LINGO2: variants seen among roughly 807,000 people sequenced by gnomAD.
The protein encoded by LINGO2 is leucine-rich repeat and immunoglobulin-like domain-containing nogo receptor-interacting protein 2.
Under a neutral mutation model 30.6 loss-of-function variants are expected in LINGO2, and 14 were observed. The observed-to-expected ratio is 0.46, with a 90% CI of 0.30 to 0.72. The LOEUF is 0.72. Among genes scored for constraint, LINGO2 ranks in the 30% least tolerant of loss-of-function variants. The pLI is 0.07. For synonymous variants in LINGO2, 317 were observed against 288.5 expected (o/e 1.10, Z -1.00); for missense variants, 729 against 751.7 (o/e 0.97, Z 0.35).
At chr9:28,720,202 G>A in the LINGO2 span, among the ~76,000 whole-genome samples, 1 of 151,962 alleles carries the variant, frequency 6.6e-6, no homozygotes, top group South Asian at 2.1e-4. Context: ...ATGTATCCAA[G>A]CACTTCATTT....
chr9:28,791,118 C>T, the LINGO2 span, among the ~76,000 whole-genome samples: 9 of 152,198 alleles, frequency 5.9e-5, no homozygotes, highest in Non-Finnish European at 1.2e-4. Context: ...ATATCCCCTT[C>T]CTTTCTCACC....
At chr9:28,140,414 C>T (rs1377906967) in intron 4 of LINGO2, among the ~76,000 whole-genome samples, 3 of 152,204 alleles carry the variant, frequency 2.0e-5, no homozygotes, top group Non-Finnish European at 1.5e-5. Flanking sequence ...CATCAGACTT[C>T]CTATGACCCA....
chr9:28,202,200 T>C (rs541754290), intron 4 of LINGO2, among the ~76,000 whole-genome samples: 1 of 152,278 alleles, frequency 6.6e-6, no homozygotes, highest in East Asian at 1.9e-4. Flanking sequence ...ACATTTTAAA[T>C]CAGCCTATTT....
At chr9:28,127,479 C>T (rs746957559) in intron 4 of LINGO2, among the ~76,000 whole-genome samples, 1 of 152,158 alleles carries the variant, frequency 6.6e-6, no homozygotes. Context: ...CTACATACTA[C>T]CCTAAAGAAC....
intron 4 of LINGO2, among the ~76,000 whole-genome samples, chr9:28,046,069 G>A (rs371604409): frequency 2.6e-5 from 4 of 152,052 alleles, no homozygotes; most frequent in Non-Finnish European, 5.9e-5. Context: ...GCATCCATCC[G>A]TTTTTGGGAT....
the LINGO2 span, among the ~76,000 whole-genome samples, chr9:29,180,095 T>G: frequency 6.6e-6 from 1 of 152,306 alleles, no homozygotes; most frequent in East Asian, 1.9e-4. Flanking sequence ...GGATGGCATA[T>G]AGTGGGGACC....
chr9:28,932,639 A>T, the LINGO2 span, among the ~76,000 whole-genome samples: 1 of 151,992 alleles, frequency 6.6e-6, no homozygotes, highest in East Asian at 1.9e-4. Flanking sequence ...CCTAAAAGGT[A>T]ACTTTTCTCT....
At chr9:28,215,681 G>T (rs1407068669) in intron 4 of LINGO2, among the ~76,000 whole-genome samples, 1 of 151,652 alleles carries the variant, frequency 6.6e-6, no homozygotes, top group African/African-American at 2.4e-5. Flanking sequence ...TGAATCGATG[G>T]AAGTGTCTAA....
the LINGO2 span, among the ~76,000 whole-genome samples, chr9:28,933,938 T>A: frequency 2.0e-5 from 3 of 152,206 alleles, no homozygotes; most frequent in African/African-American, 7.2e-5. Context: ...ATTGCAATGA[T>A]CTATTCCTAA....
chr9:28,549,746 T>G (rs1393690402), intron 1 of LINGO2, among the ~76,000 whole-genome samples: 1 of 151,902 alleles, frequency 6.6e-6, no homozygotes, highest in South Asian at 2.1e-4. Flanking sequence ...CTTTTTCTAT[T>G]AAAGTATTAA....
chr9:28,841,542 A>C, the LINGO2 span, among the ~76,000 whole-genome samples: 2 of 151,844 alleles, frequency 1.3e-5, no homozygotes, highest in African/African-American at 4.9e-5. Context: ...GGGAGTTTAC[A>C]TTCTAGTTTG....
intron 2 of LINGO2, among the ~76,000 whole-genome samples, chr9:28,396,308 G>A (rs12377420): frequency 0.37 from 56,877 of 151,960 alleles, 11,157 homozygotes; most frequent in Non-Finnish European, 0.41. Context: ...AGAGATATAT[G>A]GGACTATTTT....
chr9:28,564,460 T>C (rs1823262241), intron 1 of LINGO2, among the ~76,000 whole-genome samples: 2 of 152,088 alleles, frequency 1.3e-5, no homozygotes, highest in Admixed American at 6.5e-5. Flanking sequence ...CTATCTTAGA[T>C]TACAGTTACA....
At chr9:28,863,520 G>A in the LINGO2 span, 1 of 436,674 alleles carries the variant, frequency 2.3e-6, no homozygotes, top group African/African-American at 2.0e-5. Flanking sequence ...ATATTTACCA[G>A]GGATCTCTTG....
chr9:28,710,440 A>G, the LINGO2 span, among the ~76,000 whole-genome samples: 1 of 152,154 alleles, frequency 6.6e-6, no homozygotes, highest in Non-Finnish European at 1.5e-5. Context: ...TGGACTCTGA[A>G]TAAAAAATGT....
At chr9:28,117,445 C>T (rs58167005) in intron 4 of LINGO2, among the ~76,000 whole-genome samples, 4 of 105,124 alleles carry the variant, frequency 3.8e-5, no homozygotes, top group Non-Finnish European at 5.9e-5. Flanking sequence ...CCACCCAGTT[C>T]GAGCTTCCCG....
At chr9:29,110,150 G>A in the LINGO2 span, among the ~76,000 whole-genome samples, 1 of 152,112 alleles carries the variant, frequency 6.6e-6, no homozygotes, top group African/African-American at 2.4e-5. Context: ...GAGGAAATTG[G>A]ATACTTTAGA....
intron 2 of LINGO2, among the ~76,000 whole-genome samples, chr9:28,431,029 T>TGAGAGATAGAGA (rs1647261708): frequency 3.1e-5 from 4 of 129,358 alleles, no homozygotes; most frequent in Non-Finnish European, 6.4e-5. Context: ...GCATGAGTGA[T>TGAGAGATAGAGA]GAGAGAGAGA....
chr9:28,742,628 T>C, the LINGO2 span, among the ~76,000 whole-genome samples: 3 of 151,944 alleles, frequency 2.0e-5, no homozygotes, highest in Non-Finnish European at 2.9e-5. Context: ...TAACCCAACA[T>C]GTATTTTCAC....
Sources: allele counts gnomAD v4.1 joint callset (sites outside exome capture counted in the v4.1 genomes callset), GRCh38; gene constraint gnomAD v4.1.1; transcripts MANE v1.5; gene names NCBI Gene and HGNC (gene_info 2026-07-23, HGNC 2026-07-21).